ROBO2: variants seen among roughly 807,000 people sequenced by gnomAD.
ROBO2 encodes roundabout homolog 2.
A neutral mutation model predicts 160.8 loss-of-function variants in ROBO2; 53 were observed. That is an observed-to-expected ratio of 0.33 (90% CI 0.26 to 0.41). The LOEUF (loss-of-function observed/expected upper bound fraction) is 0.41, where lower values mean the gene tolerates loss of function less well. Among genes scored for constraint, ROBO2 ranks in the 10% least tolerant of loss-of-function variants. The pLI, the probability that ROBO2 is intolerant of heterozygous loss-of-function variation, is 1.00. For synonymous variants in ROBO2, 664 were observed against 611.7 expected (o/e 1.09, Z -1.26); for missense variants, 1,577 against 1,722.4 (o/e 0.92, Z 1.49).
chr3:76,886,057 C>T (rs763216809), intron 2 of ROBO2, among the ~76,000 whole-genome samples: 2 of 152,018 alleles, frequency 1.3e-5, no homozygotes, highest in Non-Finnish European at 2.9e-5. Flanking sequence ...CAGTTCATGC[C>T]GCCTTTTGAA....
At chr3:76,402,761 G>T (rs2077910109) in intron 2 of ROBO2, among the ~76,000 whole-genome samples, 1 of 151,414 alleles carries the variant, frequency 6.6e-6, no homozygotes, top group Admixed American at 6.6e-5. Flanking sequence ...CCAGCAACTG[G>T]GGGTCAAATT....
At chr3:76,682,153 G>A (rs1257872089) in intron 2 of ROBO2, among the ~76,000 whole-genome samples, 1 of 152,090 alleles carries the variant, frequency 6.6e-6, no homozygotes, top group Non-Finnish European at 1.5e-5. Context: ...TTGAACCAGG[G>A]ATGGCAGGGG....
chr3:76,079,482 G>GT (rs35755828), intron 2 of ROBO2, among the ~76,000 whole-genome samples: 91,540 of 137,144 alleles, frequency 0.67, 31,442 homozygotes, highest in African/African-American at 0.85. Flanking sequence ...ATTATTATTA[G>GT]TTTTTTTTTT....
rs1268498939 is a variant in ROBO2 at position 77,546,482 on chromosome 3, G to A, written c.1059+20G>A. On this transcript the variant is annotated intron_variant, in intron 7 of 25. Transcript: ENST00000461745. ...AGCCAGGTGAGTGTGAGGCTTCACT[G>A]CTTTTCTGAAATCTCTGAACTTCTA... is the stretch of plus-strand genomic sequence containing the variant. 1 of 1,612,556 alleles carries A rather than the reference G, an allele frequency of 6.2e-7. No homozygotes were observed. Among genetic ancestry groups the A allele is most frequent in the East Asian group, 2.2e-5 (1 of 44,824 alleles).
intron 2 of ROBO2, among the ~76,000 whole-genome samples, chr3:76,141,141 CTCTCTCTCTCTCTCTCTCTA>C (rs1305283418): frequency 1.6e-3 from 96 of 61,206 alleles, no homozygotes; most frequent in Non-Finnish European, 2.4e-3. Flanking sequence ...CTCTCTCTCT[CTCTCTCTCTCTCTCTCTCTA>C]TATATATATA....
intron 2 of ROBO2, among the ~76,000 whole-genome samples, chr3:76,350,112 AGCTT>A (rs1245229934): frequency 6.6e-6 from 1 of 152,092 alleles, no homozygotes; most frequent in East Asian, 1.9e-4. Context: ...CTCCCAATAA[AGCTT>A]TGTACACCCC....
chr3:77,200,031 G>A (rs533907120), intron 2 of ROBO2, among the ~76,000 whole-genome samples: 1 of 151,068 alleles, frequency 6.6e-6, no homozygotes, highest in Non-Finnish European at 1.5e-5. Flanking sequence ...GTGAATAAAA[G>A]AGCAGGATTT....
intron 2 of ROBO2, among the ~76,000 whole-genome samples, chr3:76,479,740 A>G (rs1374556904): frequency 6.6e-6 from 1 of 152,168 alleles, no homozygotes; most frequent in African/African-American, 2.4e-5. Flanking sequence ...TCATCCAACT[A>G]CTTGCTGAGT....
At chr3:76,236,820 A>G (rs1168732168) in intron 2 of ROBO2, among the ~76,000 whole-genome samples, 1 of 152,156 alleles carries the variant, frequency 6.6e-6, no homozygotes, top group Non-Finnish European at 1.5e-5. Context: ...GAAATATCAA[A>G]TTACTAGATA....
intron 2 of ROBO2, among the ~76,000 whole-genome samples, chr3:77,240,997 C>A (rs1286906050): frequency 6.6e-6 from 1 of 152,076 alleles, no homozygotes; most frequent in Non-Finnish European, 1.5e-5. Flanking sequence ...GATGATTAGC[C>A]AAAGGTCAGG....
intron 2 of ROBO2, among the ~76,000 whole-genome samples, chr3:76,422,299 G>C (rs566418263): frequency 6.6e-6 from 1 of 152,280 alleles, no homozygotes; most frequent in South Asian, 2.1e-4. Flanking sequence ...TTCTTATCAA[G>C]AGGTTGTATG....
At chr3:76,380,063 A>G (rs2076541456) in intron 2 of ROBO2, among the ~76,000 whole-genome samples, 1 of 152,088 alleles carries the variant, frequency 6.6e-6, no homozygotes, top group Non-Finnish European at 1.5e-5. Flanking sequence ...TGACAGATTT[A>G]ATGCATATGC....
chr3:77,381,976 G>C (rs981001290), intron 2 of ROBO2, among the ~76,000 whole-genome samples: 49 of 143,754 alleles, frequency 3.4e-4, no homozygotes, highest in African/African-American at 1.2e-3. Flanking sequence ...CTAGGAGAAT[G>C]CATTTTCAAT....
chr3:76,378,994 T>C (rs2076489429), intron 2 of ROBO2, among the ~76,000 whole-genome samples: 1 of 152,168 alleles, frequency 6.6e-6, no homozygotes, highest in African/African-American at 2.4e-5. Context: ...AGGAGTTATT[T>C]ATGGTTTCCA....
At chr3:76,966,887 A>G (rs2059323283) in intron 2 of ROBO2, among the ~76,000 whole-genome samples, 1 of 152,228 alleles carries the variant, frequency 6.6e-6, no homozygotes, top group African/African-American at 2.4e-5. Flanking sequence ...TCTACATATT[A>G]CAGTTTTGCT....
At chr3:76,950,373 T>C (rs146211222) in intron 2 of ROBO2, among the ~76,000 whole-genome samples, 112 of 152,356 alleles carry the variant, frequency 7.4e-4, no homozygotes, top group African/African-American at 2.5e-3. Context: ...TTTGTCATTT[T>C]GTAAGCCTCA....
chr3:76,868,128 T>G (rs2071577152), intron 2 of ROBO2, among the ~76,000 whole-genome samples: 5 of 152,222 alleles, frequency 3.3e-5, no homozygotes, highest in African/African-American at 7.2e-5. Flanking sequence ...TCAGGCATAG[T>G]AAATACATAC....
chr3:75,954,231 A>AT (rs1319526066), intron 2 of ROBO2, among the ~76,000 whole-genome samples: 1 of 151,636 alleles, frequency 6.6e-6, no homozygotes, highest in Non-Finnish European at 1.5e-5. Flanking sequence ...ATGCATGTAT[A>AT]TTTTTTTATT....
intron 2 of ROBO2, among the ~76,000 whole-genome samples, chr3:76,041,051 T>C (rs1450445298): frequency 1.3e-5 from 2 of 152,066 alleles, no homozygotes; most frequent in African/African-American, 4.8e-5. Context: ...AGTATGTAGA[T>C]TTCCAACACA....
Sources: gnomAD v4.1 joint callset for allele counts (sites outside exome capture counted in the v4.1 genomes callset) on GRCh38, gnomAD v4.1.1 for gene constraint, MANE v1.5 for transcripts, NCBI Gene and HGNC (gene_info 2026-07-23, HGNC 2026-07-21) for gene names.